The following ZNF407 variants were observed in gnomAD, a reference collection of about 807,000 sequenced individuals.
ZNF407 encodes the protein zinc finger protein 407.
ZNF407 carries 17 observed loss-of-function variants against 131.2 expected under a neutral mutation model. That is an observed-to-expected ratio of 0.13 (90% CI 0.09 to 0.19). The LOEUF (loss-of-function observed/expected upper bound fraction) is 0.19. Ranked by LOEUF, ZNF407 falls within the 10% of genes least tolerant of loss-of-function variation. The pLI, the probability that ZNF407 is intolerant of heterozygous loss-of-function variation, is 1.00. For synonymous variants in ZNF407, 1,156 were observed against 1,062.0 expected (o/e 1.09, Z -1.72); for missense variants, 2,681 against 2,830.6 (o/e 0.95, Z 1.20).
At chr18:74,884,247 T>C (rs1306757786) in intron 6 of ZNF407, among the ~76,000 whole-genome samples, 1 of 152,206 alleles carries the variant, frequency 6.6e-6, no homozygotes, top group Non-Finnish European at 1.5e-5. Context: ...AGAAGTCAGG[T>C]CTATATTTTT....
At chr18:74,601,727 G>T (rs1237787214) in intron 1 of ZNF407, among the ~76,000 whole-genome samples, 1 of 151,918 alleles carries the variant, frequency 6.6e-6, no homozygotes, top group African/African-American at 2.4e-5. Context: ...ACCATCTCAG[G>T]ACAGCACCAA....
chr18:74,781,340 T>G, intron 3 of ZNF407, 88 bp from the exon 4 acceptor site: 1 of 904,436 alleles, frequency 1.1e-6, no homozygotes, highest in Non-Finnish European at 1.7e-6. Context: ...TATGTTTGCA[T>G]ATATATATTA....
chr18:74,687,482 G>GA (rs1967122787), intron 3 of ZNF407, among the ~76,000 whole-genome samples: 1 of 152,118 alleles, frequency 6.6e-6, no homozygotes, highest in Non-Finnish European at 1.5e-5. Flanking sequence ...AGAGTGGCGG[G>GA]AAAAGGACTC....
At chr18:74,990,360 A>G (rs149828152) in intron 8 of ZNF407, among the ~76,000 whole-genome samples, 1 of 152,344 alleles carries the variant, frequency 6.6e-6, no homozygotes. Context: ...AAAATGCTAC[A>G]GCAAAATTGT....
chr18:74,988,475 T>C (rs1972679360), intron 8 of ZNF407, among the ~76,000 whole-genome samples: 2 of 150,754 alleles, frequency 1.3e-5, no homozygotes, highest in African/African-American at 4.8e-5. Flanking sequence ...AAAAGATATA[T>C]ATATATAGAT....
At chr18:75,057,567 C>G (rs915874032) in intron 8 of ZNF407, among the ~76,000 whole-genome samples, 5 of 152,158 alleles carry the variant, frequency 3.3e-5, no homozygotes. Flanking sequence ...AGTTTTACAG[C>G]CAGCACGTGT....
chr18:74,956,894 TGA>T (rs556827538), intron 8 of ZNF407, among the ~76,000 whole-genome samples: 10 of 152,166 alleles, frequency 6.6e-5, no homozygotes, highest in Admixed American at 1.3e-4. Flanking sequence ...CTAAATTTTG[TGA>T]GATAATTACA....
chr18:74,789,941 T>C (rs1230498166), intron 4 of ZNF407, among the ~76,000 whole-genome samples: 1 of 151,684 alleles, frequency 6.6e-6, no homozygotes, highest in Non-Finnish European at 1.5e-5. Flanking sequence ...GTTGCCAGTC[T>C]AAATCATGTC....
At chr18:74,811,574 C>T (rs1351405067) in intron 4 of ZNF407, among the ~76,000 whole-genome samples, 11 of 152,130 alleles carry the variant, frequency 7.2e-5, no homozygotes, top group Middle Eastern at 3.4e-3. Flanking sequence ...CACATGCACA[C>T]GTATGTTTAT....
intron 4 of ZNF407, among the ~76,000 whole-genome samples, chr18:74,788,846 A>G (rs1244979340): frequency 6.7e-6 from 1 of 149,982 alleles, no homozygotes; most frequent in East Asian, 1.9e-4. Context: ...TTATTAATAA[A>G]CTTGAATATT....
chr18:74,862,447 T>G (rs909985110), intron 4 of ZNF407, among the ~76,000 whole-genome samples: 1 of 152,212 alleles, frequency 6.6e-6, no homozygotes, highest in Non-Finnish European at 1.5e-5. Flanking sequence ...AATCATACAT[T>G]TATGAAACCC....
chr18:74,711,156 G>A (rs1025694639), intron 3 of ZNF407, among the ~76,000 whole-genome samples: 78 of 152,078 alleles, frequency 5.1e-4, no homozygotes, highest in African/African-American at 1.8e-3. Context: ...AAAATAAGTC[G>A]CCTAAAATTT....
chr18:74,863,585 CTAGATTT>C (rs1970968261), intron 4 of ZNF407, among the ~76,000 whole-genome samples: 9 of 152,040 alleles, frequency 5.9e-5, no homozygotes, highest in Admixed American at 4.6e-4. Flanking sequence ...AGTTGCTAGT[CTAGATTT>C]TATGAAAGGA....
chr18:74,859,425 T>C (rs546278201), intron 4 of ZNF407, among the ~76,000 whole-genome samples: 2 of 152,284 alleles, frequency 1.3e-5, no homozygotes, highest in East Asian at 3.9e-4. Context: ...GTGGGGCAGT[T>C]CTGAAAGGAA....
At chr18:74,876,705 G>C (rs1971161488) in intron 4 of ZNF407, among the ~76,000 whole-genome samples, 1 of 152,144 alleles carries the variant, frequency 6.6e-6, no homozygotes, top group Non-Finnish European at 1.5e-5. Context: ...AGGACCCCTG[G>C]TTCAGGAAAC....
intron 4 of ZNF407, among the ~76,000 whole-genome samples, chr18:74,853,601 T>C (rs1970819362): frequency 6.6e-6 from 1 of 152,216 alleles, no homozygotes; most frequent in Non-Finnish European, 1.5e-5. Context: ...CACCTTTAAC[T>C]GTAACTCATA....
intron 8 of ZNF407, among the ~76,000 whole-genome samples, chr18:75,027,473 C>T (rs1304692243): frequency 1.3e-5 from 2 of 152,030 alleles, no homozygotes; most frequent in Admixed American, 6.6e-5. Flanking sequence ...AAGAGTGTAG[C>T]CATGGAGTTA....
At chr18:74,729,479 G>A (rs1341654942) in intron 3 of ZNF407, among the ~76,000 whole-genome samples, 1 of 152,002 alleles carries the variant, frequency 6.6e-6, no homozygotes, top group Non-Finnish European at 1.5e-5. Context: ...GAGAAGAAAG[G>A]TCAAGTGTGG....
chr18:74,997,506 A>T (rs536022416), intron 8 of ZNF407, among the ~76,000 whole-genome samples: 7 of 152,276 alleles, frequency 4.6e-5, no homozygotes, highest in African/African-American at 1.4e-4. Context: ...TAAAAAAAAT[A>T]AATAAAAAGA....
Sources: gnomAD v4.1 joint callset for allele counts (sites outside exome capture counted in the v4.1 genomes callset) on GRCh38, gnomAD v4.1.1 for gene constraint, MANE v1.5 for transcripts, NCBI Gene and HGNC (gene_info 2026-07-23, HGNC 2026-07-21) for gene names.